Variants in KCNIP4 observed in about 807,000 individuals in gnomAD.
KCNIP4 encodes potassium voltage-gated channel interacting protein 4.
Under a neutral mutation model 34.0 loss-of-function variants are expected in KCNIP4, and 12 were observed. The ratio of observed to expected loss-of-function variants is 0.35; its 90% CI spans 0.23 to 0.57. KCNIP4 has a LOEUF of 0.57. Ranked by LOEUF, KCNIP4 falls within the 20% of genes least tolerant of loss-of-function variation. The pLI, the probability that KCNIP4 is intolerant of heterozygous loss-of-function variation, is 0.83. For missense variants in KCNIP4, 238 were observed against 311.7 expected (o/e 0.76, Z 1.78); for synonymous variants, 124 against 102.2 (o/e 1.21, Z -1.29).
chr4:21,648,538 C>A (rs1294539884), intron 1 of KCNIP4, among the ~76,000 whole-genome samples: 1 of 152,090 alleles, frequency 6.6e-6, no homozygotes, highest in Non-Finnish European at 1.5e-5. Flanking sequence ...AAAGAACTAC[C>A]AGACACACCT....
intron 1 of KCNIP4, among the ~76,000 whole-genome samples, chr4:21,147,956 A>AAAAAAAAAAAAAAG (rs1553945843): frequency 7.8e-6 from 1 of 128,378 alleles, no homozygotes; most frequent in African/African-American, 3.1e-5. Flanking sequence ...AAAAAAAAAA[A>AAAAAAAAAAAAAAG]AAAAGAAAAA....
At chr4:21,428,391 A>C (rs1726115631) in intron 1 of KCNIP4, among the ~76,000 whole-genome samples, 1 of 152,166 alleles carries the variant, frequency 6.6e-6, no homozygotes, top group African/African-American at 2.4e-5. Context: ...GGGAGGCATA[A>C]AAGTCAACCC....
intron 1 of KCNIP4, among the ~76,000 whole-genome samples, chr4:21,525,221 A>T (rs73252235): frequency 0.04 from 6,062 of 152,282 alleles, 106 homozygotes; most frequent in South Asian, 0.051. Context: ...CACTTAGATC[A>T]TTATATTTCA....
intron 1 of KCNIP4, among the ~76,000 whole-genome samples, chr4:21,706,070 A>AGGAAG (rs1340411120): frequency 1.3e-5 from 2 of 152,180 alleles, no homozygotes; most frequent in Non-Finnish European, 2.9e-5. Flanking sequence ...AGAGAACTAT[A>AGGAAG]CAAATATCAC....
intron 3 of KCNIP4, among the ~76,000 whole-genome samples, chr4:20,800,879 T>A (rs1460089737): frequency 6.6e-6 from 1 of 152,178 alleles, no homozygotes; most frequent in African/African-American, 2.4e-5. Flanking sequence ...AATAAAATAG[T>A]GGCTGACAAT....
rs1183124282 is a variant in KCNIP4, at chr4:21,195,785, G to A, written c.62-313076C>T. On this transcript the variant is annotated intron_variant, in intron 1 of 8. Coordinates refer to ENST00000382152, the MANE Select transcript of KCNIP4 (RefSeq NM_025221.6). Reference sequence around the variant, plus strand: ...CCAACTAGAACGCCTGGTTGCAATGGCTCATTAAGAATGTTGCAACTTCTT... The same window carrying A: ...CCAACTAGAACGCCTGGTTGCAATGACTCATTAAGAATGTTGCAACTTCTT... 2.6e-5 allele frequency among the ~76,000 whole-genome samples: 4 copies of A among 152,210 alleles called. No individual in the cohort carries two copies. In the South Asian group the frequency reaches 6.2e-4, roughly 24 times the overall value.
intron 1 of KCNIP4, among the ~76,000 whole-genome samples, chr4:21,231,261 C>A (rs973028032): frequency 1.3e-5 from 2 of 151,950 alleles, no homozygotes; most frequent in East Asian, 1.9e-4. Context: ...TTTCTTAATG[C>A]AAAAAAATTA....
chr4:21,447,182 G>A (rs887059748), intron 1 of KCNIP4, among the ~76,000 whole-genome samples: 6 of 152,096 alleles, frequency 3.9e-5, no homozygotes, highest in Admixed American at 3.9e-4. Context: ...TTAACAGAAA[G>A]GTAGAAGGAG....
chr4:21,716,548 C>A (rs1438231726), intron 1 of KCNIP4, among the ~76,000 whole-genome samples: 2 of 151,912 alleles, frequency 1.3e-5, no homozygotes, highest in African/African-American at 2.4e-5. Context: ...GGCCGGTAGT[C>A]TTTAGTTTCT....
At chr4:20,815,047 C>T (rs530174220) in intron 3 of KCNIP4, among the ~76,000 whole-genome samples, 21 of 152,216 alleles carry the variant, frequency 1.4e-4, no homozygotes, top group African/African-American at 5.1e-4. Context: ...AAGCAATAAG[C>T]TTTAATGAAT....
intron 1 of KCNIP4, among the ~76,000 whole-genome samples, chr4:21,273,847 G>A (rs1762293148): frequency 6.6e-6 from 1 of 152,134 alleles, no homozygotes; most frequent in Non-Finnish European, 1.5e-5. Flanking sequence ...CACACTTCAT[G>A]TATGCATGCA....
chr4:21,563,559 C>T (rs1027245819), intron 1 of KCNIP4, among the ~76,000 whole-genome samples: 12 of 152,082 alleles, frequency 7.9e-5, no homozygotes, highest in African/African-American at 2.4e-4. Flanking sequence ...TGAATGGGTG[C>T]TCTGTTCATC....
intron 1 of KCNIP4, among the ~76,000 whole-genome samples, chr4:21,342,884 A>T (rs1325414518): frequency 6.6e-6 from 1 of 152,038 alleles, no homozygotes; most frequent in Non-Finnish European, 1.5e-5. Context: ...TTTCTTAGCT[A>T]AGGGGCAGTA....
intron 1 of KCNIP4, among the ~76,000 whole-genome samples, chr4:20,936,375 C>G (rs760172770): frequency 6.6e-6 from 1 of 151,350 alleles, no homozygotes; most frequent in Non-Finnish European, 1.5e-5. Flanking sequence ...ACATTTATTC[C>G]GGATCTTTCA....
chr4:21,322,194 G>T (rs146647049), intron 1 of KCNIP4, among the ~76,000 whole-genome samples: 1,715 of 136,804 alleles, frequency 0.013, 25 homozygotes, highest in South Asian at 0.054. Flanking sequence ...GGAAGGAAAT[G>T]AGGGACTATG....
chr4:21,049,943 C>T (rs534541598), intron 1 of KCNIP4, among the ~76,000 whole-genome samples: 7 of 152,318 alleles, frequency 4.6e-5, no homozygotes, highest in Admixed American at 4.6e-4. Flanking sequence ...TTACAAGTGA[C>T]TCTCATGCAT....
At chr4:21,251,819 A>T (rs1223815586) in intron 1 of KCNIP4, among the ~76,000 whole-genome samples, 1 of 141,806 alleles carries the variant, frequency 7.1e-6, no homozygotes, top group Non-Finnish European at 1.5e-5. Context: ...CAATGAGAAC[A>T]CATGGACACA....
At chr4:21,669,920 T>C (rs1749343051) in intron 1 of KCNIP4, among the ~76,000 whole-genome samples, 1 of 152,110 alleles carries the variant, frequency 6.6e-6, no homozygotes, top group African/African-American at 2.4e-5. Flanking sequence ...GTAAAATGGG[T>C]GAACTGTTAG....
intron 1 of KCNIP4, among the ~76,000 whole-genome samples, chr4:21,370,569 A>G (rs2109435297): frequency 6.9e-6 from 1 of 144,062 alleles, no homozygotes; most frequent in South Asian, 2.2e-4. Context: ...GAAGCAGAGA[A>G]GACATCAAAG....
Sources: allele counts gnomAD v4.1 joint callset (sites outside exome capture counted in the v4.1 genomes callset), GRCh38; gene constraint gnomAD v4.1.1; transcripts MANE v1.5; gene names NCBI Gene and HGNC (gene_info 2026-07-23, HGNC 2026-07-21).